ARHGAP5: variants seen among roughly 807,000 people sequenced by gnomAD.
ARHGAP5 encodes rho GTPase-activating protein 5.
ARHGAP5 carries 23 observed loss-of-function variants against 116.6 expected under a neutral mutation model. The observed-to-expected ratio is 0.20, with a 90% confidence interval of 0.14 to 0.28. The LOEUF is 0.28. ARHGAP5 is among the 10% of genes least tolerant of loss of function. ARHGAP5 has a pLI of 1.00. For synonymous variants in ARHGAP5, 574 were observed against 602.0 expected (o/e 0.95, Z 0.68); for missense variants, 1,405 against 1,774.8 (o/e 0.79, Z 3.74).
chr14:32,102,453 C>T (rs1003481372), intron 2 of ARHGAP5, among the ~76,000 whole-genome samples: 2 of 152,180 alleles, frequency 1.3e-5, no homozygotes, highest in South Asian at 2.1e-4. Flanking sequence ...TAGTGATGAG[C>T]CCCGAAGGAT....
At chr14:32,083,922 A>C (rs980539799) in intron 1 of ARHGAP5, among the ~76,000 whole-genome samples, 6 of 152,224 alleles carry the variant, frequency 3.9e-5, no homozygotes, top group Non-Finnish European at 7.3e-5. Context: ...ACCTTTATAC[A>C]TTGAAAATCT....
chr14:32,091,490 A>G lies in ARHGAP5; in HGVS notation c.821A>G (p.Asp274Gly), dbSNP rs1367337686. The change falls in exon 2 of 7, where the codon GAT (aspartate) becomes GGT (glycine). Residue 274 changes from aspartate (D) to glycine (G), a missense_variant. Around this residue, in one of 6 missense-constraint regions of ARHGAP5, gnomAD observed 944 missense variants for 1,095.3 expected, o/e 0.86. Transcript: ENST00000345122. ...TQRQLVVTAT[D>G]KFEKLVQTVR... ...AGACAACTTGTTGTCACAGCAACAG[A>G]TAAGTTTGAAAAACTTGTGCAGACT... 4 of 1,613,332 alleles carry G rather than the reference A, an allele frequency of 2.5e-6. No homozygotes were observed. Among genetic ancestry groups the G allele is most frequent in the Non-Finnish European group, 3.4e-6 (4 of 1,179,582 alleles).
intron 2 of ARHGAP5, among the ~76,000 whole-genome samples, chr14:32,099,711 CAT>C (rs1269204603): frequency 1.3e-5 from 2 of 152,168 alleles, no homozygotes; most frequent in Non-Finnish European, 2.9e-5. Flanking sequence ...TTTCTTGACT[CAT>C]TTTTAAGTTA....
At position 32,157,359 on chromosome 14, in the gene ARHGAP5, A is replaced by G. The variant is rs1423022619; in HGVS notation, c.*2411A>G. ...GGAAGGTTTCACTGTTTAGGGACCTATCATATGAGACTTCTTAAAGGATTA... is the reference window on the plus strand; with the variant it reads ...GGAAGGTTTCACTGTTTAGGGACCTGTCATATGAGACTTCTTAAAGGATTA... On this transcript the variant is annotated 3_prime_UTR_variant, in exon 7 of 7. Transcript: ENST00000345122. The G allele has an allele frequency of 6.6e-6, 1 of 152,282 alleles. No individual in the cohort carries two copies. The highest frequency in any genetic ancestry group is 1.5e-5 in the Non-Finnish European group (1 of 67,746). The allele number at this position is 152,282 out of a possible 1,614,324, so 9.4% of individuals were successfully genotyped here.
intron 3 of ARHGAP5, among the ~76,000 whole-genome samples, chr14:32,132,059 C>T (rs561297885): frequency 6.6e-6 from 1 of 152,272 alleles, no homozygotes; most frequent in African/African-American, 2.4e-5. Context: ...GTGCATGTGT[C>T]TTTATAGCAG....
chr14:32,102,240 T>C (rs1195057723), intron 2 of ARHGAP5, among the ~76,000 whole-genome samples: 1 of 152,250 alleles, frequency 6.6e-6, no homozygotes, highest in Non-Finnish European at 1.5e-5. Flanking sequence ...ACAGGAAGTG[T>C]GTTCAAAAGA....
Position 32,137,678 on chromosome 14 carries a change from A to G in ARHGAP5, c.3866-8585A>G, listed in dbSNP as rs114499483. ...GGGTAGAAGTTGCCATTTTAAAAATATTTAGCCTTCCGGGCCAGGTGGGGT... is the reference window on the plus strand; with the variant it reads ...GGGTAGAAGTTGCCATTTTAAAAATGTTTAGCCTTCCGGGCCAGGTGGGGT... On this transcript the variant is annotated intron_variant, in intron 3 of 6. Coordinates refer to ENST00000345122, the MANE Select transcript of ARHGAP5 (RefSeq NM_001030055.2). Among the ~76,000 whole-genome samples, 1,303 of 152,208 alleles carry G rather than the reference A, an allele frequency of 8.6e-3. 20 individuals carry two copies. The highest frequency in any genetic ancestry group is 0.028 in the African/African-American group (1,183 of 41,524).
At chr14:32,142,774 C>A (rs1344361476) in intron 3 of ARHGAP5, among the ~76,000 whole-genome samples, 1 of 152,192 alleles carries the variant, frequency 6.6e-6, no homozygotes, top group Non-Finnish European at 1.5e-5. Flanking sequence ...TTAAAGCTTT[C>A]TTCACCAAGA....
At chr14:32,079,791 C>CT (rs2041753954) in intron 1 of ARHGAP5, among the ~76,000 whole-genome samples, 3 of 151,994 alleles carry the variant, frequency 2.0e-5, no homozygotes, top group African/African-American at 7.3e-5. Flanking sequence ...TAAGTTTTGT[C>CT]GCAACTGTAG....
At chr14:32,127,157 C>A (rs1880204742) in intron 3 of ARHGAP5, among the ~76,000 whole-genome samples, 1 of 151,810 alleles carries the variant, frequency 6.6e-6, no homozygotes, top group Non-Finnish European at 1.5e-5. Context: ...GCCACCACTC[C>A]TGGCTGATTT....
chr14:32,115,491 G>C (rs951654890), intron 2 of ARHGAP5, among the ~76,000 whole-genome samples: 3 of 150,314 alleles, frequency 2.0e-5, no homozygotes, highest in African/African-American at 7.4e-5. Context: ...GTGAAACCGC[G>C]TCTCTACTAA....
chr14:32,158,299 A>C lies in ARHGAP5; in HGVS notation c.*3351A>C, dbSNP rs1028331247. ...CACTGTACCTGAAAAGGAGATTCAA[A>C]ATTTTTTCTGGGGATGTATATAGGT... is the stretch of plus-strand genomic sequence containing the variant. On this transcript the variant is annotated 3_prime_UTR_variant, in exon 7 of 7. Transcript: ENST00000345122. 1 of 151,896 alleles carries C rather than the reference A, an allele frequency of 6.6e-6. No individual in the cohort carries two copies. The highest frequency in any genetic ancestry group is 1.5e-5 in the Non-Finnish European group (1 of 67,822). 9.4% of individuals were successfully genotyped at this position (151,896 alleles called of 1,614,324 possible).
chr14:32,112,957 G>T (rs1015510053), intron 2 of ARHGAP5, among the ~76,000 whole-genome samples: 4 of 151,956 alleles, frequency 2.6e-5, no homozygotes, highest in African/African-American at 9.7e-5. Context: ...TCTAACTAAA[G>T]GTTTATCAAA....
intron 3 of ARHGAP5, among the ~76,000 whole-genome samples, chr14:32,118,355 G>C (rs150079827): frequency 6.6e-6 from 1 of 151,884 alleles, no homozygotes; most frequent in Non-Finnish European, 1.5e-5. Flanking sequence ...AAATTATCTG[G>C]GCATTGTGGT....
intron 3 of ARHGAP5, among the ~76,000 whole-genome samples, chr14:32,128,523 G>C (rs1361939455): frequency 6.6e-6 from 1 of 152,214 alleles, no homozygotes; most frequent in Non-Finnish European, 1.5e-5. Context: ...TGCTATCTGC[G>C]TGTCGGCTAT....
rs1350529115 is a variant in ARHGAP5, at chr14:32,139,232, A to G, written c.3866-7031A>G. Among the ~76,000 whole-genome samples, 3 of 152,194 alleles carry G rather than the reference A, an allele frequency of 2.0e-5. No homozygotes were observed. The East Asian group carries it at 5.8e-4, about 29-fold the overall frequency. On this transcript the variant is annotated intron_variant, in intron 3 of 6. Transcript: ENST00000345122. ...GGCTATGGGGCATTAGGGTAATCACAGCTTCATAGGAAGTGTTTCTCTTTG... is the reference window on the plus strand; with the variant it reads ...GGCTATGGGGCATTAGGGTAATCACGGCTTCATAGGAAGTGTTTCTCTTTG...
At chr14:32,081,883 T>C (rs998491013) in intron 1 of ARHGAP5, among the ~76,000 whole-genome samples, 2 of 152,182 alleles carry the variant, frequency 1.3e-5, no homozygotes, top group Non-Finnish European at 2.9e-5. Flanking sequence ...AAAATTAACA[T>C]TACTATAATC....
At chr14:32,132,485 G>A (rs770678311) in intron 3 of ARHGAP5, among the ~76,000 whole-genome samples, 1 of 152,124 alleles carries the variant, frequency 6.6e-6, no homozygotes, top group African/African-American at 2.4e-5. Flanking sequence ...TTGGATATTA[G>A]CCCTTTGTCA....
chr14:32,153,274 T>C (rs1881730467), intron 6 of ARHGAP5, among the ~76,000 whole-genome samples: 1 of 149,658 alleles, frequency 6.7e-6, no homozygotes, highest in Non-Finnish European at 1.5e-5. Flanking sequence ...GGGCGTGGTG[T>C]GAGCATCTGT....
Sources: gnomAD v4.1 joint callset for allele counts (sites outside exome capture counted in the v4.1 genomes callset) on GRCh38, gnomAD v4.1.1 for gene constraint, gnomAD v4.1.1 regional missense constraint, MANE v1.5 for transcripts, NCBI Gene and HGNC (gene_info 2026-07-23, HGNC 2026-07-21) for gene names.